The following PRXL2B variants were observed in gnomAD, a reference collection of about 807,000 sequenced individuals.
The protein encoded by PRXL2B is peroxiredoxin like 2B, also known as prostamide/prostaglandin F synthase.
PRXL2B carries 26 observed loss-of-function variants against 24.4 expected under a neutral mutation model. The ratio of observed to expected loss-of-function variants is 1.07; its 90% CI spans 0.78 to 1.48. The LOEUF (loss-of-function observed/expected upper bound fraction) is 1.48. PRXL2B is among the 40% of genes most tolerant of loss of function. The pLI is 0.00. For synonymous variants in PRXL2B, 115 were observed against 118.9 expected (o/e 0.97, Z 0.21); for missense variants, 269 against 264.8 (o/e 1.02, Z -0.11).
In PRXL2B at chr1:2,587,135, G is replaced by C; in HGVS notation, c.108G>C (p.Val36=). ...TGTGGCGGGAGCACGCGTGCGTGGT[G>C]GCCGGGCTGCGGCGCTTCGGGTGCG... The part of the protein sequence containing the change: ...RSLWREHACV[V]AGLRRFGCVV... The change falls in exon 2 of 7, where the codon GTG becomes GTC. Residue 36 remains valine, a synonymous_variant. Coordinates refer to ENST00000419916, the MANE Select transcript of PRXL2B (RefSeq NM_152371.5). This position sits in a 1 kb window ranked among gnomAD's most constrained non-coding sequence, Gnocchi z 6.1. 3 of 1,537,284 alleles carry C rather than the reference G, an allele frequency of 2.0e-6. No homozygotes were observed. The highest frequency in any genetic ancestry group is 2.6e-6 in the Non-Finnish European group (3 of 1,148,188).
In PRXL2B at chr1:2,591,376, T is replaced by A; in HGVS notation, c.*1949T>A. The A allele has an allele frequency of 1.6e-6, 1 of 614,760 alleles. No individual in the cohort carries two copies. The highest frequency in any genetic ancestry group is 2.9e-6 in the Non-Finnish European group (1 of 347,066). The allele number at this position is 614,760 out of a possible 1,614,324, so 38.1% of individuals were successfully genotyped here. A position where few individuals can be genotyped will look rare whatever the true frequency, so the allele number is the denominator to read the frequency against. ...GGCTCCCCCTTCCTAAACCCTTAAA[T>A]GCCCTTAGTCTGTAAGAGAATGTCC... On this transcript the variant is annotated 3_prime_UTR_variant, in exon 7 of 7. Coordinates refer to ENST00000419916, the MANE Select transcript of PRXL2B (RefSeq NM_152371.5).
rs1644616997 is a variant in PRXL2B, at chr1:2,589,292, CG to C, written c.580-115del. 9 of 1,428,120 alleles carry C rather than the reference CG, an allele frequency of 6.3e-6. No homozygotes were observed. In the Admixed American group the frequency reaches 1.0e-4, roughly 16 times the overall value. 88.5% of individuals were successfully genotyped at this position (1,428,120 alleles called of 1,614,324 possible). On this transcript the variant is annotated intron_variant, in intron 6 of 6. Transcript: ENST00000419916. The stretch of plus-strand genomic sequence containing the variant: ...GAGGTGGGGGCGACACATGGGGTGG[CG>C]GGCAGAGAGGCGTGTCCTCTCAGCC...
chr1:2,587,414 C>A lies in PRXL2B; in HGVS notation c.268+119C>A. On this transcript the variant is annotated intron_variant, in intron 2 of 6. Transcript: ENST00000419916. The surrounding 1 kb of genome is among the most constrained non-coding windows in gnomAD (Gnocchi z 6.1). ...TGCTGGAGCGGCCTTGATATGCCCA[C>A]GGGTCAGCGTCCCTCATCTCTCCCT... 2 of 1,188,048 alleles carry A rather than the reference C, an allele frequency of 1.7e-6. No individual in the cohort carries two copies. The highest frequency in any genetic ancestry group is 2.3e-5 in the Admixed American group (1 of 42,930). 73.6% of individuals were successfully genotyped at this position (1,188,048 alleles called of 1,614,324 possible).
In PRXL2B at chr1:2,589,407, C is replaced by G; in HGVS notation, c.580-3C>G. The G allele has an allele frequency of 6.2e-7, 1 of 1,613,548 alleles. No homozygotes were observed. Among genetic ancestry groups the G allele is most frequent in the Non-Finnish European group, 8.5e-7 (1 of 1,179,814 alleles). ...GCCCCATGGGACCCTGCTGTCCCCA[C>G]AGTGTGACAGAGAGGTGTGAGGGAG... On this transcript the variant is annotated splice_polypyrimidine_tract_variant and splice_region_variant and intron_variant, in intron 6 of 6. Coordinates refer to ENST00000419916, the MANE Select transcript of PRXL2B (RefSeq NM_152371.5).
In PRXL2B at chr1:2,587,784, C is replaced by G; in HGVS notation, c.312C>G (p.Gly104=). Residue 104 remains glycine (G), a synonymous_variant, in exon 3 of 7, where the codon GGC becomes GGG. Transcript: ENST00000419916. The surrounding 1 kb of genome is among the most constrained non-coding windows in gnomAD (Gnocchi z 6.1). ...GCAAGCAGCTTTACAAGGAGCTAGG[C>G]TTCAAGCGGTGAGTGGGGGCGGGAA... ...DESKQLYKEL[G]FKRYNSLSIL... is the part of the protein sequence containing the mutation. 1.3e-6 allele frequency: 2 copies of G among 1,577,536 alleles called. No individual in the cohort carries two copies. Among genetic ancestry groups the G allele is most frequent in the Non-Finnish European group, 1.7e-6 (2 of 1,157,990 alleles).
In PRXL2B at chr1:2,589,642, C is replaced by A; in HGVS notation, c.*215C>A. ...TGCATCCTCCACAGCCCCCGCCTTG[C>A]TCACTGTTGGGCCCTCAGGGCGGGC... On this transcript the variant is annotated 3_prime_UTR_variant, in exon 7 of 7. Transcript: ENST00000419916. 1 of 651,828 alleles carries A rather than the reference C, an allele frequency of 1.5e-6. No homozygotes were observed. The highest frequency in any genetic ancestry group is 2.6e-6 in the Non-Finnish European group (1 of 379,664). The allele number at this position is 651,828 out of a possible 1,614,324, so 40.4% of individuals were successfully genotyped here.
chr1:2,589,522 G>A lies in PRXL2B; in HGVS notation c.*95G>A, dbSNP rs1644627728. On this transcript the variant is annotated 3_prime_UTR_variant, in exon 7 of 7. Coordinates refer to ENST00000419916, the MANE Select transcript of PRXL2B (RefSeq NM_152371.5). ...TTGGAAGAACTGTTCCGGAGGCGCT[G>A]GGTCGGGATGCCGAACCTCTCCTGA... is the stretch of plus-strand genomic sequence containing the variant. The A allele has an allele frequency of 6.3e-7, 1 of 1,580,996 alleles. No homozygotes were observed. Among genetic ancestry groups the A allele is most frequent in the South Asian group, 1.1e-5 (1 of 89,378 alleles).
rs1007288533 is a variant in PRXL2B at position 2,591,338 on chromosome 1, G to A, written c.*1911G>A. 1.8e-5 allele frequency: 11 copies of A among 597,298 alleles called. No homozygotes were observed. Among genetic ancestry groups the A allele is most frequent in the Non-Finnish European group, 2.7e-5 (9 of 336,702 alleles). The allele number at this position is 597,298 out of a possible 1,614,324, so 37.0% of individuals were successfully genotyped here. On this transcript the variant is annotated 3_prime_UTR_variant, in exon 7 of 7. Coordinates refer to ENST00000419916, the MANE Select transcript of PRXL2B (RefSeq NM_152371.5). The stretch of plus-strand genomic sequence containing the variant: ...AACTCTCCTTCACACAGAAACATTC[G>A]CAGCCTGCGGTAGGCTCCCCCTTCC...
In PRXL2B at chr1:2,589,060, C is replaced by A. The variant is rs765907216; in HGVS notation, c.579+20C>A. 4.8e-5 allele frequency: 77 copies of A among 1,606,596 alleles called. 2 individuals carry two copies. In the South Asian group the frequency reaches 8.1e-4, roughly 17 times the overall value. On this transcript the variant is annotated intron_variant, in intron 6 of 6. Coordinates refer to ENST00000419916, the MANE Select transcript of PRXL2B (RefSeq NM_152371.5). ...CCTCAGGTGAGCTGGGCCTTGGGGG[C>A]GCTGCCTGCCAGCCCACGCCCTGCC...
Position 2,587,089 on chromosome 1 carries a change from A to G in PRXL2B, c.64-2A>G, listed in dbSNP as rs1021892837. On this transcript the variant is annotated splice_acceptor_variant, in intron 1 of 6. Coordinates refer to ENST00000419916, the MANE Select transcript of PRXL2B (RefSeq NM_152371.5). LOFTEE classifies it high-confidence loss of function. The surrounding 1 kb of genome is among the most constrained non-coding windows in gnomAD (Gnocchi z 6.1). ...CGCGCCCATGACCCAGCCGCCCGGC[A>G]GGCCGTGGAGCTGCGGAGCCTGTGG... is the stretch of plus-strand genomic sequence containing the variant. 5.3e-6 allele frequency: 8 copies of G among 1,517,842 alleles called. No homozygotes were observed. The highest frequency in any genetic ancestry group is 1.4e-5 in the African/African-American group (1 of 70,648). 94.0% of individuals were successfully genotyped at this position (1,517,842 alleles called of 1,614,324 possible).
Position 2,586,908 on chromosome 1 carries a change from G to T in PRXL2B, c.23G>T (p.Arg8Leu). Residue 8 changes from arginine to leucine, a missense_variant, in exon 1 of 7, where the codon CGC becomes CTC. Arg to Leu is a moderately radical substitution (Grantham distance 102). Transcript: ENST00000419916. Reference sequence around the variant, plus strand: ...GCCATGAGCACGGTGGACCTTGCTCGCGTGGGCGCGTGCATCCTGAAGCAT... The same window carrying T: ...GCCATGAGCACGGTGGACCTTGCTCTCGTGGGCGCGTGCATCCTGAAGCAT... The part of the protein sequence containing the change: MSTVDLA[R>L]VGACILKHAV... The T allele has an allele frequency of 7.6e-7, 1 of 1,311,030 alleles. No homozygotes were observed. The highest frequency in any genetic ancestry group is 9.7e-7 in the Non-Finnish European group (1 of 1,031,800). The allele number at this position is 1,311,030 out of a possible 1,614,324, so 81.2% of individuals were successfully genotyped here.
In PRXL2B at chr1:2,590,162, T is replaced by G. The variant is rs1644646086; in HGVS notation, c.*735T>G. 6.6e-6 allele frequency: 1 copy of G among 152,410 alleles called. No homozygotes were observed. Among genetic ancestry groups the G allele is most frequent in the Non-Finnish European group, 1.5e-5 (1 of 68,150 alleles). The allele number at this position is 152,410 out of a possible 1,614,324, so 9.4% of individuals were successfully genotyped here. A position where few individuals can be genotyped will look rare whatever the true frequency, so the allele number is the denominator to read the frequency against. On this transcript the variant is annotated 3_prime_UTR_variant, in exon 7 of 7. Coordinates refer to ENST00000419916, the MANE Select transcript of PRXL2B (RefSeq NM_152371.5). ...CAGACTACCTGCTCAGGCCCTCCCC[T>G]CCCATGCAGGCCGATGACAACTGCA... is the stretch of plus-strand genomic sequence containing the variant.
Position 2,587,199 on chromosome 1 carries a change from G to C in PRXL2B, c.172G>C (p.Ala58Pro), listed in dbSNP as rs1049300628. 1.3e-6 allele frequency: 2 copies of C among 1,567,004 alleles called. No homozygotes were observed. Among genetic ancestry groups the C allele is most frequent in the Non-Finnish European group, 1.7e-6 (2 of 1,162,948 alleles). The change falls in exon 2 of 7, where the codon GCT (alanine) becomes CCT (proline). Residue 58 changes from alanine to proline, a missense_variant. Transcript: ENST00000419916. This position sits in a 1 kb window ranked among gnomAD's most constrained non-coding sequence, Gnocchi z 6.1. ...GATCGCCCAGGACCTCAGCAGCCTT[G>C]CTGGGCTCCTGGACCAACACGGCGT... ...RWIAQDLSSL[A>P]GLLDQHGVRL...
At chr1:2,589,277 C>T (rs1256490927) in intron 6 of PRXL2B, 133 bp from the exon 7 acceptor site, 14 of 1,356,660 alleles carry the variant, frequency 1.0e-5, no homozygotes, top group African/African-American at 2.9e-5. Context: ...GAGGTGGGGG[C>T]GACACATGGG....
rs1161571683 is a variant in PRXL2B at position 2,589,592 on chromosome 1, G to A, written c.*165G>A. 14 of 890,056 alleles carry A rather than the reference G, an allele frequency of 1.6e-5. No homozygotes were observed. The highest frequency in any genetic ancestry group is 2.3e-5 in the Non-Finnish European group (13 of 571,744). The allele number at this position is 890,056 out of a possible 1,614,324, so 55.1% of individuals were successfully genotyped here. The stretch of plus-strand genomic sequence containing the variant: ...CATTAAAACTGCAGTTCCTGACCAC[G>A]CACTGCTTCGCAGGCTCCGAGCCCT... On this transcript the variant is annotated 3_prime_UTR_variant, in exon 7 of 7. Coordinates refer to ENST00000419916, the MANE Select transcript of PRXL2B (RefSeq NM_152371.5).
Position 2,587,902 on chromosome 1 carries a change from G to A in PRXL2B, c.320+110G>A. The A allele has an allele frequency of 7.9e-7, 1 of 1,271,440 alleles. No homozygotes were observed. The highest frequency in any genetic ancestry group is 1.1e-6 in the Non-Finnish European group (1 of 923,546). The allele number at this position is 1,271,440 out of a possible 1,614,324, so 78.8% of individuals were successfully genotyped here. A position where few individuals can be genotyped will look rare whatever the true frequency, so the allele number is the denominator to read the frequency against. On this transcript the variant is annotated intron_variant, in intron 3 of 6. Transcript: ENST00000419916. This position sits in a 1 kb window ranked among gnomAD's most constrained non-coding sequence, Gnocchi z 6.1. ...GCCCTCTGTGGTGCTGTCCACTCGG[G>A]CCTTCCTGGGCAAGGCGGCTCTGGT...
At position 2,587,868 on chromosome 1, in the gene PRXL2B, C is replaced by G; in HGVS notation, c.320+76C>G. The G allele has an allele frequency of 2.0e-6, 3 of 1,494,284 alleles. No individual in the cohort carries two copies. The highest frequency in any genetic ancestry group is 2.3e-4 in the Middle Eastern group (1 of 4,440). The allele number at this position is 1,494,284 out of a possible 1,614,324, so 92.6% of individuals were successfully genotyped here. A position where few individuals can be genotyped will look rare whatever the true frequency, so the allele number is the denominator to read the frequency against. The stretch of plus-strand genomic sequence containing the variant: ...TTCCCACCGCTCCCTGCCACCTCCT[C>G]TCCCTGCTGCCCTCTGTGGTGCTGT... On this transcript the variant is annotated intron_variant, in intron 3 of 6. Transcript: ENST00000419916. The surrounding 1 kb of genome is among the most constrained non-coding windows in gnomAD (Gnocchi z 6.1).
rs376382985 is a variant in PRXL2B, at chr1:2,591,006, C to T, written c.*1579C>T. The T allele has an allele frequency of 1.1e-4, 178 of 1,596,332 alleles. 1 individual carries two copies. The East Asian group carries it at 1.2e-3, about 11-fold the overall frequency. On this transcript the variant is annotated 3_prime_UTR_variant, in exon 7 of 7. Coordinates refer to ENST00000419916, the MANE Select transcript of PRXL2B (RefSeq NM_152371.5). Reference sequence around the variant, plus strand: ...GGGCCTTGGCTACCACACGCGGCATCGCTCCTTGGGGTGCATGGGGGTGCC... The same window carrying T: ...GGGCCTTGGCTACCACACGCGGCATTGCTCCTTGGGGTGCATGGGGGTGCC...
At position 2,587,220 on chromosome 1, in the gene PRXL2B, G is replaced by A. The variant is rs761269474; in HGVS notation, c.193G>A (p.Gly65Ser). The change falls in exon 2 of 7, where the codon GGC (glycine) becomes AGC (serine). Residue 65 changes from glycine (G) to serine (S), a missense_variant. Transcript: ENST00000419916. This position sits in a 1 kb window ranked among gnomAD's most constrained non-coding sequence, Gnocchi z 6.1. ...SSLAGLLDQH[G>S]VRLVGVGPEA... ...CCTTGCTGGGCTCCTGGACCAACAC[G>A]GCGTGCGCCTGGTGGGCGTAGGGCC... 3.2e-5 allele frequency: 50 copies of A among 1,572,888 alleles called. No homozygotes were observed. The highest frequency in any genetic ancestry group is 3.7e-5 in the Non-Finnish European group (43 of 1,165,728).
Sources: allele counts gnomAD v4.1 joint callset, GRCh38; gene constraint gnomAD v4.1.1; non-coding constraint Gnocchi (gnomAD v3.1); transcripts MANE v1.5; gene names NCBI Gene and HGNC (gene_info 2026-07-23, HGNC 2026-07-21).